The following STPG2 variants were observed in gnomAD, a reference collection of about 807,000 sequenced individuals.
STPG2 encodes the protein sperm tail PG-rich repeat containing 2, also known as sperm-tail PG-rich repeat-containing protein 2.
STPG2 carries 56 observed loss-of-function variants against 54.2 expected under a neutral mutation model. The observed-to-expected ratio is 1.03, with a 90% CI of 0.83 to 1.29. The LOEUF (loss-of-function observed/expected upper bound fraction) is 1.29. Among genes scored for constraint, STPG2 ranks in the 50% most tolerant of loss-of-function variants. STPG2 has a pLI of 0.00. For synonymous variants in STPG2, 200 were observed against 181.8 expected, an observed-to-expected ratio of 1.10 and a Z score of -0.81; for missense variants, 596 against 544.9, an observed-to-expected ratio of 1.09 and a Z score of -0.93.
intron 8 of STPG2, among the ~76,000 whole-genome samples, chr4:97,904,069 T>C (rs1731293309): frequency 6.6e-6 from 1 of 152,148 alleles, no homozygotes; most frequent in Admixed American, 6.5e-5. Context: ...ACAAAGCAGC[T>C]GGAAAGCTCG....
intron 10 of STPG2, among the ~76,000 whole-genome samples, chr4:97,650,526 A>T (rs1462727851): frequency 6.6e-6 from 1 of 152,130 alleles, no homozygotes; most frequent in East Asian, 1.9e-4. Flanking sequence ...AAATTTAAAC[A>T]TTCTCTAGTT....
Position 97,746,190 on chromosome 4 carries a change from T to C in STPG2, c.1205-33376A>G, listed in dbSNP as rs138203242. ...AGTATAATTACTTTATTGCTAAGCC[T>C]TCTATATATTCTATTACCTTGTATA... On this transcript the variant is annotated intron_variant, in intron 9 of 10. Coordinates refer to ENST00000295268, the MANE Select transcript of STPG2 (RefSeq NM_174952.3). 2.7e-3 allele frequency among the ~76,000 whole-genome samples: 402 copies of C among 151,294 alleles called. No individual in the cohort carries two copies. The Middle Eastern group carries it at 0.031, about 12-fold the overall frequency.
chr4:97,907,725 C>A (rs71231554), intron 8 of STPG2, among the ~76,000 whole-genome samples: 1 of 152,150 alleles, frequency 6.6e-6, no homozygotes, highest in Non-Finnish European at 1.5e-5. Flanking sequence ...TTATCTACAA[C>A]CATCTGATCT....
chr4:97,779,307 C>T (rs772058949), intron 9 of STPG2, among the ~76,000 whole-genome samples: 41 of 151,832 alleles, frequency 2.7e-4, no homozygotes, highest in Admixed American at 1.8e-3. Context: ...GTAACCGATT[C>T]GATCAACTGG....
chr4:98,087,760 C>T (rs1273116537), intron 5 of STPG2, among the ~76,000 whole-genome samples: 1 of 151,998 alleles, frequency 6.6e-6, no homozygotes, highest in Non-Finnish European at 1.5e-5. Flanking sequence ...CGGGGTTTCA[C>T]CGTGTTAGCC....
intron 8 of STPG2, among the ~76,000 whole-genome samples, chr4:97,884,314 C>T (rs1730483989): frequency 1.3e-5 from 2 of 152,112 alleles, no homozygotes; most frequent in African/African-American, 4.8e-5. Context: ...CTCAGTACCT[C>T]AAAATGTGAC....
chr4:97,630,211 CA>C (rs1005262785), intron 10 of STPG2, among the ~76,000 whole-genome samples: 135 of 151,818 alleles, frequency 8.9e-4, no homozygotes, highest in African/African-American at 3.1e-3. Context: ...TTAGATTTAC[CA>C]AAAAGATGAA....
chr4:97,567,410 T>C lies in STPG2; in HGVS notation c.1321-8293A>G, dbSNP rs149448879. ...ATCCCGAAATAGAGGAATTTAGCAATATCTAACAATACTATATATATAATT... is the reference window on the plus strand; with the variant it reads ...ATCCCGAAATAGAGGAATTTAGCAACATCTAACAATACTATATATATAATT... On this transcript the variant is annotated intron_variant, in intron 10 of 10. Coordinates refer to ENST00000295268, the MANE Select transcript of STPG2 (RefSeq NM_174952.3). 7.3e-4 allele frequency among the ~76,000 whole-genome samples: 109 copies of C among 149,668 alleles called. 10 individuals are homozygous for C. The East Asian group carries it at 0.021, about 29-fold the overall frequency.
At chr4:97,993,866 T>C (rs1345092989) in intron 5 of STPG2, among the ~76,000 whole-genome samples, 2 of 152,224 alleles carry the variant, frequency 1.3e-5, no homozygotes, top group African/African-American at 4.8e-5. Context: ...TTCTAGTTTA[T>C]GTGCGTAAAG....
intron 4 of STPG2, among the ~76,000 whole-genome samples, chr4:97,459,948 C>T (rs1439474715): frequency 2.6e-5 from 4 of 152,136 alleles, no homozygotes; most frequent in Admixed American, 6.5e-5. Flanking sequence ...GGATATTTCA[C>T]TCTTTCAAAT....
intron 8 of STPG2, among the ~76,000 whole-genome samples, chr4:97,849,023 C>T (rs950309033): frequency 1.3e-5 from 2 of 150,898 alleles, no homozygotes; most frequent in Non-Finnish European, 2.9e-5. Flanking sequence ...GTAGTTTTTC[C>T]CAATTCTGTG....
chr4:97,777,659 G>A lies in STPG2; in HGVS notation c.1204+63114C>T, dbSNP rs139293738. Among the ~76,000 whole-genome samples the A allele has an allele frequency of 4.4e-3, 666 of 152,278 alleles. 3 individuals carry two copies. Among genetic ancestry groups the A allele is most frequent in the South Asian group, 0.024 (116 of 4,824 alleles). ...TCCTTGGTTGGTTTTACAGTCAAAT[G>A]TATGAAGTATTATAAATCCCTACCG... On this transcript the variant is annotated intron_variant, in intron 9 of 10. Transcript: ENST00000295268.
intron 8 of STPG2, among the ~76,000 whole-genome samples, chr4:97,872,110 G>C (rs1730012496): frequency 6.6e-6 from 1 of 150,750 alleles, no homozygotes; most frequent in Non-Finnish European, 1.5e-5. Flanking sequence ...TTTAACAAAA[G>C]CATTCAATAA....
intron 8 of STPG2, among the ~76,000 whole-genome samples, chr4:97,912,142 C>G (rs1731705195): frequency 6.6e-6 from 1 of 151,896 alleles, no homozygotes; most frequent in African/African-American, 2.4e-5. Context: ...AAAAAAACAC[C>G]CTACAAAAAA....
intron 10 of STPG2, among the ~76,000 whole-genome samples, chr4:97,664,215 C>G (rs1722456401): frequency 6.6e-6 from 1 of 152,148 alleles, no homozygotes; most frequent in East Asian, 1.9e-4. Flanking sequence ...TTATTACTTG[C>G]ATTTCACAAA....
At chr4:97,953,017 G>T (rs1181471238) in intron 7 of STPG2, among the ~76,000 whole-genome samples, 1 of 152,138 alleles carries the variant, frequency 6.6e-6, no homozygotes, top group Non-Finnish European at 1.5e-5. Context: ...GAGATACTGT[G>T]GTTTCTCAGG....
At chr4:97,825,451 C>T (rs1161703007) in intron 9 of STPG2, among the ~76,000 whole-genome samples, 2 of 152,064 alleles carry the variant, frequency 1.3e-5, no homozygotes, top group Non-Finnish European at 2.9e-5. Context: ...TGTCCCCACC[C>T]GACCCCTACT....
At chr4:97,716,519 T>TA (rs1199867114) in intron 9 of STPG2, among the ~76,000 whole-genome samples, 2 of 151,760 alleles carry the variant, frequency 1.3e-5, no homozygotes, top group Non-Finnish European at 2.9e-5. Flanking sequence ...TATGCAGGTA[T>TA]AAAAAAAGGA....
chr4:98,016,153 C>G (rs1270102684), intron 5 of STPG2, among the ~76,000 whole-genome samples: 1 of 152,042 alleles, frequency 6.6e-6, no homozygotes, highest in Non-Finnish European at 1.5e-5. Context: ...TCATGTATAC[C>G]TCTGTAACAA....
Sources: gnomAD v4.1 joint callset for allele counts (sites outside exome capture counted in the v4.1 genomes callset) on GRCh38, gnomAD v4.1.1 for gene constraint, MANE v1.5 for transcripts, NCBI Gene and HGNC (gene_info 2026-07-23, HGNC 2026-07-21) for gene names.